The following MRTFB variants were observed in gnomAD, a reference collection of about 807,000 sequenced individuals.
The protein encoded by MRTFB is myocardin-related transcription factor B.
A neutral mutation model predicts 104.2 loss-of-function variants in MRTFB; 29 were observed. That is an observed-to-expected ratio of 0.28 (90% confidence interval 0.21 to 0.38). The LOEUF is 0.38. Among genes scored for constraint, MRTFB ranks in the 10% least tolerant of loss-of-function variants. MRTFB has a pLI of 1.00. For synonymous variants in MRTFB, 535 were observed against 519.5 expected, an observed-to-expected ratio of 1.03 and a Z score of -0.41; for missense variants, 1,270 against 1,341.6, an observed-to-expected ratio of 0.95 and a Z score of 0.83.
the MRTFB span, among the ~76,000 whole-genome samples, chr16:14,015,634 G>C: frequency 6.6e-6 from 1 of 152,208 alleles, no homozygotes; most frequent in Non-Finnish European, 1.5e-5. Flanking sequence ...CCCGAGAAGA[G>C]TTCGAAACTA....
chr16:14,113,660 G>A lies in MRTFB; in HGVS notation c.-63-26884G>A, dbSNP rs142085898. Among the ~76,000 whole-genome samples, 618 of 152,160 alleles carry A rather than the reference G, an allele frequency of 4.1e-3. 3 individuals are homozygous for A. The highest frequency in any genetic ancestry group is 0.012 in the African/African-American group (496 of 41,504). Reference sequence around the variant, plus strand: ...GAATTCCAGCTCCTAGCTCGATGGCGGGAGACAACATGGAGAGAAAAACTA... The same window carrying A: ...GAATTCCAGCTCCTAGCTCGATGGCAGGAGACAACATGGAGAGAAAAACTA... On this transcript the variant is annotated intron_variant, in intron 2 of 16. Coordinates refer to ENST00000571589, the MANE Select transcript of MRTFB (RefSeq NM_001308142.2).
intron 2 of MRTFB, among the ~76,000 whole-genome samples, chr16:14,100,916 C>T (rs1238758760): frequency 1.3e-5 from 2 of 152,128 alleles, no homozygotes; most frequent in African/African-American, 2.4e-5. Flanking sequence ...CTCTCTCACT[C>T]CTGATATTGG....
the MRTFB span, among the ~76,000 whole-genome samples, chr16:14,064,803 A>G: frequency 6.6e-6 from 1 of 152,080 alleles, no homozygotes; most frequent in Non-Finnish European, 1.5e-5. Context: ...GCTCTATTCT[A>G]TTCTGTTGGT....
At chr16:14,039,791 C>T in the MRTFB span, among the ~76,000 whole-genome samples, 39 of 141,824 alleles carry the variant, frequency 2.7e-4, no homozygotes, top group Non-Finnish European at 4.2e-4. Context: ...TCTTTTTGCC[C>T]AGGCTGGAGT....
At chr16:14,138,651 C>T (rs772944960) in intron 2 of MRTFB, among the ~76,000 whole-genome samples, 3 of 152,134 alleles carry the variant, frequency 2.0e-5, no homozygotes, top group Admixed American at 6.5e-5. Flanking sequence ...TGGAGTCTGC[C>T]CTGCATGTGT....
intron 8 of MRTFB, among the ~76,000 whole-genome samples, chr16:14,230,549 CCAT>C (rs1376842507): frequency 6.6e-6 from 1 of 152,044 alleles, no homozygotes; most frequent in African/African-American, 2.4e-5. Flanking sequence ...CCATCACTGG[CCAT>C]CAGAGAAATG....
intron 2 of MRTFB, among the ~76,000 whole-genome samples, chr16:14,123,246 G>T (rs2036944239): frequency 6.6e-6 from 1 of 152,180 alleles, no homozygotes; most frequent in Non-Finnish European, 1.5e-5. Flanking sequence ...TAGGTTGCCT[G>T]TTCACTCTGA....
At position 14,213,535 on chromosome 16, in the gene MRTFB, C is replaced by A. The variant is rs1264749022; in HGVS notation, c.277-10C>A. The A allele has an allele frequency of 1.9e-6, 3 of 1,576,746 alleles. No individual in the cohort carries two copies. The African/African-American group carries it at 4.1e-5, about 22-fold the overall frequency. ...AATGATTTATGGTAAGACTTTTTTT[C>A]TTTTTAAAGACTGAAAACTTTTTGA... On this transcript the variant is annotated splice_polypyrimidine_tract_variant and intron_variant, in intron 5 of 16. Coordinates refer to ENST00000571589, the MANE Select transcript of MRTFB (RefSeq NM_001308142.2).
At chr16:14,097,577 TTG>T (rs1567318823) in intron 2 of MRTFB, among the ~76,000 whole-genome samples, 2 of 152,242 alleles carry the variant, frequency 1.3e-5, no homozygotes, top group African/African-American at 2.4e-5. Context: ...AACAGCTTTA[TTG>T]AGGTATAATT....
chr16:14,071,854 G>T (rs2033721245), intron 1 of MRTFB, among the ~76,000 whole-genome samples: 1 of 152,174 alleles, frequency 6.6e-6, no homozygotes, highest in South Asian at 2.1e-4. Context: ...CTGGGGTCCC[G>T]ACCAGGCTTC....
At chr16:14,239,011 T>C (rs1321891654) in intron 9 of MRTFB, among the ~76,000 whole-genome samples, 1 of 152,170 alleles carries the variant, frequency 6.6e-6, no homozygotes, top group African/African-American at 2.4e-5. Context: ...CGGTGTGATA[T>C]TGCTGAATGC....
intron 6 of MRTFB, 61 bp downstream of exon 6, chr16:14,213,681 C>T: frequency 8.1e-7 from 1 of 1,240,964 alleles, no homozygotes; most frequent in South Asian, 1.4e-5. Context: ...TGAGAATTTC[C>T]ACCATTTCTG....
the MRTFB span, among the ~76,000 whole-genome samples, chr16:14,041,652 C>T: frequency 1.3e-5 from 2 of 152,036 alleles, no homozygotes; most frequent in Non-Finnish European, 2.9e-5. Context: ...TTTTGCCAGG[C>T]GTGGTGGCTG....
intron 2 of MRTFB, among the ~76,000 whole-genome samples, chr16:14,089,905 A>T (rs1162977169): frequency 6.6e-6 from 1 of 152,168 alleles, no homozygotes; most frequent in African/African-American, 2.4e-5. Context: ...ACATCTTTTC[A>T]TGTGCTTCTT....
chr16:14,045,882 T>C, the MRTFB span, among the ~76,000 whole-genome samples: 26 of 152,108 alleles, frequency 1.7e-4, no homozygotes, highest in Non-Finnish European at 2.8e-4. Flanking sequence ...AAGAGAGAAA[T>C]AGATGTTAAG....
chr16:14,084,857 G>C (rs1050391379), intron 2 of MRTFB, among the ~76,000 whole-genome samples: 2 of 152,124 alleles, frequency 1.3e-5, no homozygotes, highest in African/African-American at 4.8e-5. Flanking sequence ...TACCAACTTT[G>C]TCATTGACCT....
chr16:14,062,603 T>G, the MRTFB span, among the ~76,000 whole-genome samples: 3 of 152,130 alleles, frequency 2.0e-5, no homozygotes, highest in Non-Finnish European at 4.4e-5. Context: ...AGGCTCTGAT[T>G]GGTTTTGGCC....
intron 10 of MRTFB, among the ~76,000 whole-genome samples, chr16:14,243,774 A>T (rs780646856): frequency 6.6e-6 from 1 of 151,816 alleles, no homozygotes; most frequent in African/African-American, 2.4e-5. Context: ...CAAACCAAGA[A>T]CATTTTCAGT....
intron 3 of MRTFB, among the ~76,000 whole-genome samples, chr16:14,180,276 A>G (rs898196441): frequency 6.6e-6 from 1 of 152,192 alleles, no homozygotes; most frequent in Non-Finnish European, 1.5e-5. Context: ...TACATTAATG[A>G]TGTCTAGACA....
Sources: gnomAD v4.1 joint callset for allele counts (sites outside exome capture counted in the v4.1 genomes callset) on GRCh38, gnomAD v4.1.1 for gene constraint, MANE v1.5 for transcripts, NCBI Gene and HGNC (gene_info 2026-07-23, HGNC 2026-07-21) for gene names.